Variants in SDK2 observed in about 807,000 individuals in gnomAD.
SDK2 encodes protein sidekick-2.
Under a neutral mutation model 253.9 loss-of-function variants are expected in SDK2, and 105 were observed. The ratio of observed to expected loss-of-function variants is 0.41; its 90% CI spans 0.35 to 0.49. The LOEUF is 0.49. SDK2 is among the 20% of genes least tolerant of loss of function. The pLI, the probability that SDK2 is intolerant of heterozygous loss-of-function variation, is 0.06. For synonymous variants in SDK2, 1,249 were observed against 1,234.9 expected, an observed-to-expected ratio of 1.01 and a Z score of -0.24; for missense variants, 2,608 against 3,003.0, an observed-to-expected ratio of 0.87 and a Z score of 3.07.
Position 73,347,437 on chromosome 17 carries a change from T to C in SDK2, c.6165+1162A>G, listed in dbSNP as rs561837673. ...AGCCATGCTAAGTTGGGGGTCTCTG[T>C]CCCTGCCAGCTTTGAGCTAGGGAGT... On this transcript the variant is annotated intron_variant, in intron 44 of 44. Transcript: ENST00000392650. 1.2e-3 allele frequency among the ~76,000 whole-genome samples: 183 copies of C among 152,272 alleles called. 3 individuals are homozygous for C. The highest frequency in any genetic ancestry group is 4.2e-3 in the African/African-American group (176 of 41,562).
chr17:73,584,561 T>G (rs115678780), intron 1 of SDK2, among the ~76,000 whole-genome samples: 1 of 152,196 alleles, frequency 6.6e-6, no homozygotes, highest in Non-Finnish European at 1.5e-5. Flanking sequence ...AGTCAGCCCC[T>G]AGCACGTACC....
intron 1 of SDK2, among the ~76,000 whole-genome samples, chr17:73,610,214 C>G (rs1843655022): frequency 6.6e-6 from 1 of 152,200 alleles, no homozygotes; most frequent in Non-Finnish European, 1.5e-5. Context: ...AAGTTGTGTG[C>G]CCATGCACAG....
At chr17:73,416,021 G>C (rs558869616) in intron 16 of SDK2, 29 bp from the exon 17 acceptor site, 1 of 1,591,530 alleles carries the variant, frequency 6.3e-7, no homozygotes, top group African/African-American at 1.3e-5. Context: ...GCACAGTGGA[G>C]TCAGAGTCAG....
chr17:73,566,781 G>A (rs141388645), intron 1 of SDK2, among the ~76,000 whole-genome samples: 13 of 151,300 alleles, frequency 8.6e-5, no homozygotes, highest in East Asian at 7.8e-4. Context: ...ATTTCTAAAC[G>A]ACAAAGCACT....
intron 1 of SDK2, among the ~76,000 whole-genome samples, chr17:73,573,530 G>A (rs1266465121): frequency 6.6e-6 from 1 of 152,080 alleles, no homozygotes; most frequent in African/African-American, 2.4e-5. Context: ...TCGTCATTCA[G>A]TCCATCAGCT....
At chr17:73,479,596 CATA>C (rs1302188882) in intron 2 of SDK2, among the ~76,000 whole-genome samples, 1 of 152,182 alleles carries the variant, frequency 6.6e-6, no homozygotes, top group African/African-American at 2.4e-5. Context: ...ATGCAATTAA[CATA>C]ATAACTATTA....
At chr17:73,605,481 G>A (rs538671701) in intron 1 of SDK2, among the ~76,000 whole-genome samples, 7 of 152,270 alleles carry the variant, frequency 4.6e-5, no homozygotes, top group African/African-American at 1.4e-4. Context: ...TTCATGTCTT[G>A]GAGAAGGCAG....
intron 36 of SDK2, among the ~76,000 whole-genome samples, chr17:73,377,905 C>G (rs1255083129): frequency 6.6e-6 from 1 of 152,104 alleles, no homozygotes; most frequent in Non-Finnish European, 1.5e-5. Flanking sequence ...AGCCACCGCA[C>G]CCGGCCTGCC....
intron 1 of SDK2, among the ~76,000 whole-genome samples, chr17:73,591,041 T>G (rs2045674858): frequency 6.6e-6 from 1 of 152,180 alleles, no homozygotes; most frequent in Non-Finnish European, 1.5e-5. Context: ...TGCCTCAGCC[T>G]CCTGAGTAGC....
chr17:73,401,694 G>A lies in SDK2; in HGVS notation c.2739C>T (p.Val913=). The change falls in exon 20 of 45, where the codon GTC becomes GTT. Residue 913 remains valine, a synonymous_variant. Coordinates refer to ENST00000392650, the MANE Select transcript of SDK2 (RefSeq NM_001144952.2). ...TTTTCTCTCCCGGCTCTTGCCAGCT[G>A]ACCTTCAGCGATGTGTCCAGGATCT... The part of the protein sequence containing the change: ...FSEILDTSLK[V]SWQEPGEKNG... 1 of 1,594,986 alleles carries A rather than the reference G, an allele frequency of 6.3e-7. No individual in the cohort carries two copies. Among genetic ancestry groups the A allele is most frequent in the South Asian group, 1.1e-5 (1 of 87,560 alleles).
rs1022130615 is a variant in SDK2 at position 73,481,163 on chromosome 17, C to T, written c.225-8945G>A. ...CAGGCAAGCCCAGGCGAGCTGAGCA[C>T]GGGGTTCCAGAATCCTTGGAAGGTG... On this transcript the variant is annotated intron_variant, in intron 2 of 44. Coordinates refer to ENST00000392650, the MANE Select transcript of SDK2 (RefSeq NM_001144952.2). This position sits in a 1 kb window ranked among gnomAD's most constrained non-coding sequence, Gnocchi z 4.5. 3.9e-5 allele frequency among the ~76,000 whole-genome samples: 6 copies of T among 152,104 alleles called. No homozygotes were observed. Among genetic ancestry groups the T allele is most frequent in the African/African-American group, 1.2e-4 (5 of 41,420 alleles).
At position 73,594,676 on chromosome 17, in the gene SDK2, T is replaced by C. The variant is rs145073738; in HGVS notation, c.64+49349A>G. On this transcript the variant is annotated intron_variant, in intron 1 of 44. Coordinates refer to ENST00000392650, the MANE Select transcript of SDK2 (RefSeq NM_001144952.2). The stretch of plus-strand genomic sequence containing the variant: ...TAGCACACATATGCACACATACATG[T>C]AATACATAGCACACATATGCACACA... 9.9e-5 allele frequency among the ~76,000 whole-genome samples: 15 copies of C among 152,116 alleles called. No individual in the cohort carries two copies. The East Asian group carries it at 2.9e-3, about 29-fold the overall frequency.
chr17:73,563,505 GGAGTTT>G (rs1302984382), intron 1 of SDK2, among the ~76,000 whole-genome samples: 2 of 152,148 alleles, frequency 1.3e-5, no homozygotes, highest in Non-Finnish European at 2.9e-5. Context: ...CACGAGCCCA[GGAGTTT>G]GAGGCTGCAG....
At chr17:73,602,807 A>G (rs1178261851) in intron 1 of SDK2, among the ~76,000 whole-genome samples, 1 of 151,956 alleles carries the variant, frequency 6.6e-6, no homozygotes, top group South Asian at 2.1e-4. Flanking sequence ...GCTCACTGCA[A>G]GCTCCACCTC....
At chr17:73,384,551 A>T (rs1568375457) in intron 32 of SDK2, among the ~76,000 whole-genome samples, 1 of 152,244 alleles carries the variant, frequency 6.6e-6, no homozygotes, top group Non-Finnish European at 1.5e-5. Context: ...TCTACAGCTT[A>T]GCTGCAGAAC....
chr17:73,590,990 G>T (rs995109809), intron 1 of SDK2, among the ~76,000 whole-genome samples: 5 of 152,136 alleles, frequency 3.3e-5, no homozygotes, highest in African/African-American at 1.2e-4. Flanking sequence ...CATGATCTCG[G>T]CTCACTGCAA....
At chr17:73,546,031 G>C (rs1487859063) in intron 1 of SDK2, among the ~76,000 whole-genome samples, 1 of 152,124 alleles carries the variant, frequency 6.6e-6, no homozygotes, top group Non-Finnish European at 1.5e-5. Flanking sequence ...TCAAAAGATG[G>C]GACTGGGGAG....
At chr17:73,502,029 G>A (rs2063894475) in intron 2 of SDK2, among the ~76,000 whole-genome samples, 1 of 151,586 alleles carries the variant, frequency 6.6e-6, no homozygotes, top group Non-Finnish European at 1.5e-5. Flanking sequence ...ACATATTTAT[G>A]CCACAATCAC....
chr17:73,547,448 G>A (rs1292210821), intron 1 of SDK2, among the ~76,000 whole-genome samples: 2 of 152,244 alleles, frequency 1.3e-5, no homozygotes, highest in Admixed American at 6.5e-5. Context: ...GGGACAGGAC[G>A]AACCTCTCTG....
Sources: gnomAD v4.1 joint callset for allele counts (sites outside exome capture counted in the v4.1 genomes callset) on GRCh38, gnomAD v4.1.1 for gene constraint, Gnocchi (gnomAD v3.1) non-coding constraint, MANE v1.5 for transcripts, NCBI Gene and HGNC (gene_info 2026-07-23, HGNC 2026-07-21) for gene names.